Variants in DSCAM observed in about 807,000 individuals in gnomAD.
DSCAM encodes the protein cell adhesion molecule DSCAM.
Under a neutral mutation model 217.7 loss-of-function variants are expected in DSCAM, and 47 were observed. That is an observed-to-expected ratio of 0.22 (90% CI 0.17 to 0.28). DSCAM has a LOEUF of 0.28. Ranked by LOEUF, DSCAM falls within the 10% of genes least tolerant of loss-of-function variation. DSCAM has a pLI of 1.00. For synonymous variants in DSCAM, 1,056 were observed against 1,015.3 expected (o/e 1.04, Z -0.76); for missense variants, 2,080 against 2,618.3 (o/e 0.79, Z 4.49).
At chr21:40,370,067 A>G (rs2074878731) in intron 3 of DSCAM, among the ~76,000 whole-genome samples, 2 of 152,202 alleles carry the variant, frequency 1.3e-5, no homozygotes, top group Non-Finnish European at 1.5e-5. Flanking sequence ...GAGATCAAAT[A>G]TCAGTGTTAG....
At chr21:40,106,429 T>C (rs1159363762) in intron 20 of DSCAM, among the ~76,000 whole-genome samples, 3 of 152,162 alleles carry the variant, frequency 2.0e-5, no homozygotes, top group Non-Finnish European at 4.4e-5. Context: ...CTCCTGAAGT[T>C]TTCTTTTTTG....
intron 4 of DSCAM, 90 bp downstream of exon 4, chr21:40,369,009 T>A: frequency 1.4e-6 from 2 of 1,380,976 alleles, no homozygotes; most frequent in Non-Finnish European, 1.9e-6. Context: ...TCCATTTTAG[T>A]GGCAACACTC....
At chr21:40,032,209 T>G (rs991650424) in intron 32 of DSCAM, among the ~76,000 whole-genome samples, 1 of 152,188 alleles carries the variant, frequency 6.6e-6, no homozygotes, top group African/African-American at 2.4e-5. Flanking sequence ...GTGTGGGAAC[T>G]GTATCCATCT....
At chr21:40,602,346 A>T (rs1601779912) in intron 3 of DSCAM, among the ~76,000 whole-genome samples, 2 of 152,114 alleles carry the variant, frequency 1.3e-5, no homozygotes, top group South Asian at 4.1e-4. Flanking sequence ...TAGTCATGAG[A>T]CATAACGTCA....
chr21:40,730,826 G>C (rs990776098), intron 1 of DSCAM, among the ~76,000 whole-genome samples: 32 of 152,274 alleles, frequency 2.1e-4, no homozygotes, highest in African/African-American at 7.0e-4. Flanking sequence ...TATAGCACAT[G>C]CAACTTGCTC....
At chr21:40,417,870 T>G (rs934294382) in intron 3 of DSCAM, among the ~76,000 whole-genome samples, 2 of 152,184 alleles carry the variant, frequency 1.3e-5, no homozygotes, top group South Asian at 4.1e-4. Context: ...CTCATTTATT[T>G]CTAAGAAAAA....
At chr21:40,694,984 C>G (rs2090580706) in intron 2 of DSCAM, among the ~76,000 whole-genome samples, 2 of 152,110 alleles carry the variant, frequency 1.3e-5, no homozygotes, top group African/African-American at 4.8e-5. Context: ...GACTGGTCAA[C>G]AGAGAGAGTC....
At chr21:40,022,779 TC>T (rs955398049) in intron 32 of DSCAM, among the ~76,000 whole-genome samples, 8 of 122,166 alleles carry the variant, frequency 6.5e-5, no homozygotes, top group African/African-American at 2.2e-4. Context: ...CACAATACAT[TC>T]TTTTTTTTTT....
chr21:40,434,473 C>G (rs1196523088), intron 3 of DSCAM, among the ~76,000 whole-genome samples: 1 of 152,204 alleles, frequency 6.6e-6, no homozygotes, highest in African/African-American at 2.4e-5. Context: ...TGGACGCTGG[C>G]AAGACCATGC....
intron 9 of DSCAM, among the ~76,000 whole-genome samples, chr21:40,296,483 A>G (rs1219474509): frequency 6.6e-6 from 1 of 152,188 alleles, no homozygotes; most frequent in East Asian, 1.9e-4. Flanking sequence ...TAATTGTGTT[A>G]TCAAAAATAT....
intron 3 of DSCAM, among the ~76,000 whole-genome samples, chr21:40,540,999 G>A (rs1328249361): frequency 2.0e-5 from 3 of 151,438 alleles, no homozygotes; most frequent in Non-Finnish European, 4.4e-5. Flanking sequence ...TGAGTAGCTG[G>A]GACTACAGGT....
At chr21:40,442,147 A>G (rs2075636067) in intron 3 of DSCAM, among the ~76,000 whole-genome samples, 1 of 152,200 alleles carries the variant, frequency 6.6e-6, no homozygotes, top group Non-Finnish European at 1.5e-5. Context: ...CTTAGTACAG[A>G]AAGTAATTCA....
At chr21:40,087,111 G>T in intron 22 of DSCAM, 59 bp downstream of exon 22, 2 of 1,271,806 alleles carry the variant, frequency 1.6e-6, no homozygotes, top group Non-Finnish European at 2.3e-6. Context: ...CACAACCTGA[G>T]TATGTCAGAT....
chr21:40,144,491 C>A lies in DSCAM; in HGVS notation c.3259G>T (p.Val1087Leu). 1.2e-6 allele frequency: 2 copies of A among 1,613,716 alleles called. No homozygotes were observed. The highest frequency in any genetic ancestry group is 2.2e-5 in the South Asian group (2 of 91,052). Residue 1087 changes from valine to leucine, a missense_variant and splice_region_variant, in exon 17 of 33, where the codon GTG becomes TTG. Val to Leu is a conservative substitution (Grantham distance 32). Around this residue, in one of 5 missense-constraint regions of DSCAM, gnomAD observed 1,144 missense variants for 1,421.1 expected, o/e 0.81. Coordinates refer to ENST00000400454, the MANE Select transcript of DSCAM (RefSeq NM_001389.5). The surrounding 1 kb of genome is among the most constrained non-coding windows in gnomAD (Gnocchi z 4.8). Reference sequence around the variant, plus strand: ...ACGACCAGGCCCCGGCCGAACCTACCATCCTCGAGAGTGGTGGTGATGATT... The same window carrying A: ...ACGACCAGGCCCCGGCCGAACCTACAATCCTCGAGAGTGGTGGTGATGATT... ...QEIITTTLED[V>L]PSYPPENVQA...
chr21:40,720,742 G>A (rs1256519425), intron 1 of DSCAM, among the ~76,000 whole-genome samples: 1 of 152,070 alleles, frequency 6.6e-6, no homozygotes, highest in Non-Finnish European at 1.5e-5. Context: ...TACTTCCTGA[G>A]TTTCTAAGAT....
intron 12 of DSCAM, 119 bp from the exon 13 acceptor site, chr21:40,188,106 A>T (rs909586875): frequency 3.1e-6 from 2 of 645,324 alleles, no homozygotes; most frequent in Non-Finnish European, 2.7e-6. Flanking sequence ...ACATAGGTAC[A>T]CTCACACACA....
At chr21:40,726,047 G>T (rs1022181414) in intron 1 of DSCAM, among the ~76,000 whole-genome samples, 1 of 152,140 alleles carries the variant, frequency 6.6e-6, no homozygotes, top group African/African-American at 2.4e-5. Flanking sequence ...AACTGTGAAC[G>T]ATAACAGAAC....
chr21:40,273,848 C>T lies in DSCAM; in HGVS notation c.2356+2249G>A, dbSNP rs139192932. 1.4e-3 allele frequency among the ~76,000 whole-genome samples: 210 copies of T among 152,230 alleles called. 2 individuals are homozygous for T. In the East Asian group the frequency reaches 0.018, roughly 13 times the overall value. ...ACAGGAGAGCTCTCTGGGGTCCCTT[C>T]GATAAGGACACTAATTCCATCCCTG... is the stretch of plus-strand genomic sequence containing the variant. On this transcript the variant is annotated intron_variant, in intron 11 of 32. Coordinates refer to ENST00000400454, the MANE Select transcript of DSCAM (RefSeq NM_001389.5).
At chr21:40,392,853 C>T (rs1413960507) in intron 3 of DSCAM, among the ~76,000 whole-genome samples, 2 of 152,130 alleles carry the variant, frequency 1.3e-5, no homozygotes, top group African/African-American at 4.8e-5. Flanking sequence ...TTGGCCAGAG[C>T]TCCTTAGGAA....
Sources: gnomAD v4.1 joint callset for allele counts (sites outside exome capture counted in the v4.1 genomes callset) on GRCh38, gnomAD v4.1.1 for gene constraint, gnomAD v4.1.1 regional missense constraint, Gnocchi (gnomAD v3.1) non-coding constraint, MANE v1.5 for transcripts, NCBI Gene and HGNC (gene_info 2026-07-23, HGNC 2026-07-21) for gene names.